ADAMTS18: variants seen among roughly 807,000 people sequenced by gnomAD.
ADAMTS18 encodes A disintegrin and metalloproteinase with thrombospondin motifs 18.
ADAMTS18 carries 157 observed loss-of-function variants against 165.9 expected under a neutral mutation model. That is an observed-to-expected ratio of 0.95 (90% CI 0.83 to 1.08). The LOEUF (loss-of-function observed/expected upper bound fraction) is 1.08, where lower values mean the gene tolerates loss of function less well. Ranked by LOEUF, ADAMTS18 falls within the 50% of genes least tolerant of loss-of-function variation. ADAMTS18 has a pLI of 0.00. For missense variants in ADAMTS18, 2,040 were observed against 1,534.0 expected (o/e 1.33, Z -5.51); for synonymous variants, 782 against 578.2 (o/e 1.35, Z -5.06).
rs532762498 is a variant in ADAMTS18 at position 77,317,266 on chromosome 16, T to C, written c.2532+2583A>G. Reference sequence around the variant, plus strand: ...TTTCTTTTCTGTTTATCCACTACTCTATACCCAGTTTACTGTCAATGTGAA... The same window carrying C: ...TTTCTTTTCTGTTTATCCACTACTCCATACCCAGTTTACTGTCAATGTGAA... On this transcript the variant is annotated intron_variant, in intron 16 of 22. Coordinates refer to ENST00000282849, the MANE Select transcript of ADAMTS18 (RefSeq NM_199355.4). Among the ~76,000 whole-genome samples the C allele has an allele frequency of 2.3e-3, 343 of 152,332 alleles. 4 individuals carry two copies. The highest frequency in any genetic ancestry group is 7.7e-3 in the African/African-American group (320 of 41,578).
At chr16:77,400,378 G>C (rs1305790925) in intron 3 of ADAMTS18, among the ~76,000 whole-genome samples, 1 of 151,346 alleles carries the variant, frequency 6.6e-6, no homozygotes, top group Non-Finnish European at 1.5e-5. Context: ...GACTACCCCT[G>C]ATTAATGGAG....
intron 3 of ADAMTS18, among the ~76,000 whole-genome samples, chr16:77,373,302 G>A (rs2056902345): frequency 6.6e-6 from 1 of 151,830 alleles, no homozygotes; most frequent in South Asian, 2.1e-4. Context: ...GTGAAACCCT[G>A]TCTCTACTAA....
At chr16:77,323,628 C>T (rs909775726) in intron 13 of ADAMTS18, among the ~76,000 whole-genome samples, 14 of 150,272 alleles carry the variant, frequency 9.3e-5, no homozygotes, top group African/African-American at 2.0e-4. Context: ...AGAGGAAAGA[C>T]GGGAAAAAAC....
At position 77,371,200 on chromosome 16, in the gene ADAMTS18, G is replaced by A. The variant is rs1381594102; in HGVS notation, c.496-3477C>T. Among the ~76,000 whole-genome samples, 3 of 151,424 alleles carry A rather than the reference G, an allele frequency of 2.0e-5. No homozygotes were observed. The East Asian group carries it at 5.8e-4, about 29-fold the overall frequency. On this transcript the variant is annotated intron_variant, in intron 3 of 22. Transcript: ENST00000282849. ...ATTGCACTCCAGTCTGGGTGACAGA[G>A]CAAGACTCTGACTCAATTAAAAACA...
rs531537874 is a variant in ADAMTS18 at position 77,299,927 on chromosome 16, C to T, written c.2674+336G>A. On this transcript the variant is annotated intron_variant, in intron 17 of 22. Transcript: ENST00000282849. ...ATAATGACAGAAAAGCCAAGACTGGCGGAAACTAAAAGCTGAAAATTAAAC... is the reference window on the plus strand; with the variant it reads ...ATAATGACAGAAAAGCCAAGACTGGTGGAAACTAAAAGCTGAAAATTAAAC... 50 of 157,570 alleles carry T rather than the reference C, an allele frequency of 3.2e-4. No homozygotes were observed. The South Asian group carries it at 5.5e-3, about 17-fold the overall frequency. The allele number at this position is 157,570 out of a possible 1,614,324, so 9.8% of individuals were successfully genotyped here.
intron 10 of ADAMTS18, among the ~76,000 whole-genome samples, chr16:77,349,522 T>C (rs1376960537): frequency 1.2e-5 from 1 of 81,406 alleles, no homozygotes; most frequent in Non-Finnish European, 2.2e-5. Context: ...TGTCATCTTA[T>C]GTAAAAAAAA....
rs755101266 is a variant in ADAMTS18, at chr16:77,297,368, C to T, written c.2722G>A (p.Val908Ile). ...TTTGCACTGCAGAATGAGGAATTGA[C>T]TTGAGTATTTTGATCTCGCAAGCAA... ...AICLRDQNTQ[V>I]NSSFCSAKTK... Residue 908 changes from valine (V) to isoleucine (I), a missense_variant, in exon 18 of 23, where the codon GTC becomes ATC. Val to Ile is a conservative substitution (Grantham distance 29). Coordinates refer to ENST00000282849, the MANE Select transcript of ADAMTS18 (RefSeq NM_199355.4). The T allele has an allele frequency of 2.5e-6, 4 of 1,613,690 alleles. No individual in the cohort carries two copies. In the African/African-American group the frequency reaches 4.0e-5, roughly 16 times the overall value.
intron 3 of ADAMTS18, 115 bp downstream of exon 3, chr16:77,431,180 T>C (rs1898862174): frequency 3.3e-5 from 36 of 1,101,954 alleles, no homozygotes; most frequent in Admixed American, 9.4e-5. Flanking sequence ...GTATCAAGGC[T>C]GACAGTGTGA....
At chr16:77,414,045 G>A (rs1218030404) in intron 3 of ADAMTS18, among the ~76,000 whole-genome samples, 2 of 152,126 alleles carry the variant, frequency 1.3e-5, no homozygotes, top group Non-Finnish European at 2.9e-5. Flanking sequence ...GAAACTATAT[G>A]ACCCATATAA....
Position 77,431,626 on chromosome 16 carries a change from G to C in ADAMTS18, c.179-15C>G, listed in dbSNP as rs746717726. On this transcript the variant is annotated splice_polypyrimidine_tract_variant and intron_variant, in intron 2 of 22. Transcript: ENST00000282849. ...AAAGACGTAATCTGCAATGGGAAAA[G>C]TTCAGCTGTCAGCACCCAGAGCCCA... is the stretch of plus-strand genomic sequence containing the variant. 149 of 1,612,920 alleles carry C rather than the reference G, an allele frequency of 9.2e-5. No individual in the cohort carries two copies. Among genetic ancestry groups the C allele is most frequent in the Non-Finnish European group, 1.1e-4 (133 of 1,179,870 alleles).
intron 21 of ADAMTS18, 128 bp from the exon 22 acceptor site, chr16:77,289,539 G>T: frequency 9.2e-7 from 1 of 1,091,388 alleles, no homozygotes; most frequent in Admixed American, 1.9e-5. Context: ...GCTGGAGCCA[G>T]GCACATGTGC....
At chr16:77,427,857 G>A (rs2057692741) in intron 3 of ADAMTS18, among the ~76,000 whole-genome samples, 1 of 152,244 alleles carries the variant, frequency 6.6e-6, no homozygotes, top group South Asian at 2.1e-4. Context: ...AATTATTAAG[G>A]CTAACAGTCT....
intron 3 of ADAMTS18, among the ~76,000 whole-genome samples, chr16:77,408,589 G>A (rs183619329): frequency 1.1e-4 from 17 of 152,144 alleles, no homozygotes; most frequent in East Asian, 3.9e-4. Flanking sequence ...AAAGAAACTC[G>A]ACAAATTAGA....
intron 10 of ADAMTS18, among the ~76,000 whole-genome samples, chr16:77,351,964 C>T (rs945920978): frequency 6.6e-6 from 1 of 152,070 alleles, no homozygotes; most frequent in Admixed American, 6.6e-5. Flanking sequence ...AAACTGCTGG[C>T]CTCAAGTGAT....
At chr16:77,399,741 A>G (rs1258357927) in intron 3 of ADAMTS18, among the ~76,000 whole-genome samples, 1 of 152,148 alleles carries the variant, frequency 6.6e-6, no homozygotes, top group Non-Finnish European at 1.5e-5. Context: ...GTCAATAGCT[A>G]CTATTCAGGA....
At chr16:77,402,656 A>C (rs1236377704) in intron 3 of ADAMTS18, among the ~76,000 whole-genome samples, 1 of 152,242 alleles carries the variant, frequency 6.6e-6, no homozygotes, top group Non-Finnish European at 1.5e-5. Context: ...CCCTTCCCTC[A>C]TTTGATCAAC....
chr16:77,285,914 G>A (rs1021554966), intron 22 of ADAMTS18, among the ~76,000 whole-genome samples: 4 of 152,096 alleles, frequency 2.6e-5, no homozygotes, highest in Admixed American at 6.6e-5. Flanking sequence ...TGTTCTACTC[G>A]AGACAACCTG....
chr16:77,343,079 T>C (rs1004735299), intron 10 of ADAMTS18, among the ~76,000 whole-genome samples: 3 of 151,692 alleles, frequency 2.0e-5, no homozygotes, highest in African/African-American at 7.3e-5. Flanking sequence ...ACTTTCTTTT[T>C]TTTTTTTTTT....
intron 3 of ADAMTS18, among the ~76,000 whole-genome samples, chr16:77,377,897 G>A (rs2056975314): frequency 6.6e-6 from 1 of 152,136 alleles, no homozygotes; most frequent in South Asian, 2.1e-4. Context: ...TAATCAATAT[G>A]AAATAGAAAT....
Sources: allele counts gnomAD v4.1 joint callset (sites outside exome capture counted in the v4.1 genomes callset), GRCh38; gene constraint gnomAD v4.1.1; transcripts MANE v1.5; gene names NCBI Gene and HGNC (gene_info 2026-07-23, HGNC 2026-07-21).